NTRK3: variants seen among roughly 807,000 people sequenced by gnomAD.
NTRK3 encodes the protein NT-3 growth factor receptor.
In NTRK3, 24 loss-of-function variants were observed where a neutral mutation model predicts 91.7. The ratio of observed to expected loss-of-function variants is 0.26; its 90% CI spans 0.19 to 0.37. The LOEUF is 0.37. Ranked by LOEUF, NTRK3 falls within the 10% of genes least tolerant of loss-of-function variation. The pLI, the probability that NTRK3 is intolerant of heterozygous loss-of-function variation, is 1.00. For missense variants in NTRK3, 880 were observed against 1,068.9 expected (o/e 0.82, Z 2.46); for synonymous variants, 483 against 404.0 (o/e 1.20, Z -2.34).
chr15:88,079,615 ATT>A (rs2047870086), intron 13 of NTRK3, among the ~76,000 whole-genome samples: 1 of 152,236 alleles, frequency 6.6e-6, no homozygotes, highest in African/African-American at 2.4e-5. Flanking sequence ...AAGGGATTTA[ATT>A]TTGTTTTTAA....
At chr15:88,153,432 C>A (rs1021909202) in intron 5 of NTRK3, among the ~76,000 whole-genome samples, 1 of 151,844 alleles carries the variant, frequency 6.6e-6, no homozygotes, top group Admixed American at 6.6e-5. Context: ...TTAGTAGACA[C>A]TAAAAATACA....
intron 17 of NTRK3, among the ~76,000 whole-genome samples, chr15:87,914,832 T>C (rs1003656686): frequency 6.6e-6 from 1 of 152,102 alleles, no homozygotes; most frequent in Non-Finnish European, 1.5e-5. Context: ...GCAACCAAGA[T>C]TGTCGTGATG....
chr15:87,940,724 C>A (rs547749746), exon 15 of NTRK3: 1 of 1,614,124 alleles, frequency 6.2e-7, no homozygotes, highest in Admixed American at 1.7e-5. Context: ...CGCTTCAGCA[C>A]GATGTCTCTC....
At chr15:88,214,727 A>G (rs552425311) in intron 3 of NTRK3, among the ~76,000 whole-genome samples, 6 of 150,696 alleles carry the variant, frequency 4.0e-5, no homozygotes, top group Admixed American at 1.3e-4. Flanking sequence ...CACTCTTCCT[A>G]TTTCCCAAGC....
In NTRK3 at chr15:87,950,512, G is replaced by T. The variant is rs149057743; in HGVS notation, c.1586-9759C>A. Among the ~76,000 whole-genome samples, 9 of 152,302 alleles carry T rather than the reference G, an allele frequency of 5.9e-5. No individual in the cohort carries two copies. The East Asian group carries it at 1.7e-3, about 29-fold the overall frequency. On this transcript the variant is annotated intron_variant, in intron 14 of 18. Coordinates refer to ENST00000394480, the Ensembl canonical transcript of NTRK3. ...AAGGGGACCTTGGGAGCAAACACCA[G>T]GATCAGAGTAAGGGGACTGAGAAAG...
At chr15:87,996,192 T>G (rs1336449315) in intron 14 of NTRK3, among the ~76,000 whole-genome samples, 1 of 151,848 alleles carries the variant, frequency 6.6e-6, no homozygotes, top group African/African-American at 2.4e-5. Flanking sequence ...TGCAGTGAGG[T>G]GAGATCGCAC....
intron 17 of NTRK3, among the ~76,000 whole-genome samples, chr15:87,891,723 C>T (rs1291516926): frequency 6.6e-6 from 1 of 152,116 alleles, no homozygotes; most frequent in Admixed American, 6.6e-5. Context: ...CAGTTTCTCC[C>T]ACTAACCTCC....
intron 3 of NTRK3, among the ~76,000 whole-genome samples, chr15:88,198,950 CT>C (rs1411828701): frequency 6.6e-6 from 1 of 152,216 alleles, no homozygotes; most frequent in Non-Finnish European, 1.5e-5. Context: ...CCTTGGCCCC[CT>C]GTTTCTCAGT....
chr15:88,215,590 G>A (rs968449842), intron 3 of NTRK3, among the ~76,000 whole-genome samples: 1 of 152,094 alleles, frequency 6.6e-6, no homozygotes, highest in African/African-American at 2.4e-5. Flanking sequence ...GGGGGAAGAG[G>A]CCCAAAGAAT....
chr15:88,168,090 C>A (rs145244009), intron 5 of NTRK3, among the ~76,000 whole-genome samples: 3 of 152,154 alleles, frequency 2.0e-5, no homozygotes, highest in Non-Finnish European at 2.9e-5. Context: ...CCAGTTCTGA[C>A]TGATACAAAA....
chr15:87,892,110 A>C (rs1034168559), intron 17 of NTRK3, among the ~76,000 whole-genome samples: 1 of 151,328 alleles, frequency 6.6e-6, no homozygotes, highest in African/African-American at 2.4e-5. Flanking sequence ...ACACACACAC[A>C]CACGCACGCA....
intron 13 of NTRK3, among the ~76,000 whole-genome samples, chr15:88,112,274 G>A (rs1040988473): frequency 2.6e-5 from 4 of 152,162 alleles, no homozygotes; most frequent in Admixed American, 2.6e-4. Context: ...AAGATTTTAT[G>A]TAATAAACCA....
chr15:87,974,648 T>C (rs1429850947), intron 14 of NTRK3, among the ~76,000 whole-genome samples: 1 of 152,178 alleles, frequency 6.6e-6, no homozygotes, highest in Non-Finnish European at 1.5e-5. Context: ...AAGGCCATCA[T>C]TGCTTGGGAA....
chr15:88,111,321 T>C lies in NTRK3; in HGVS notation c.1396+14950A>G, dbSNP rs866171733. Among the ~76,000 whole-genome samples, 70 of 152,262 alleles carry C rather than the reference T, an allele frequency of 4.6e-4. 1 individual carries two copies. Among genetic ancestry groups the C allele is most frequent in the Non-Finnish European group, 2.8e-4 (19 of 68,030 alleles). On this transcript the variant is annotated intron_variant, in intron 13 of 18. Coordinates refer to ENST00000394480, the Ensembl canonical transcript of NTRK3. ...ATGTTGTTTCCCGAAGTACTAATAC[T>C]TGCATCCTTGGAGAGAGAGAAAGAC...
At chr15:88,054,589 T>C (rs2045521201) in intron 13 of NTRK3, among the ~76,000 whole-genome samples, 1 of 152,176 alleles carries the variant, frequency 6.6e-6, no homozygotes, top group African/African-American at 2.4e-5. Flanking sequence ...TAGCAAAATA[T>C]GACAGCATGG....
exon 19 of NTRK3, chr15:87,862,431 T>C (rs1330206260): frequency 1.3e-5 from 3 of 227,390 alleles, no homozygotes; most frequent in Non-Finnish European, 2.6e-5. Flanking sequence ...GGATAAGATA[T>C]AGGGGAAATT....
chr15:88,013,068 C>CTGTTTAAAATCATACCCGCATCTT (rs2076990841), intron 14 of NTRK3, among the ~76,000 whole-genome samples: 2 of 136,388 alleles, frequency 1.5e-5, no homozygotes, highest in Non-Finnish European at 3.2e-5. Flanking sequence ...CTGGTAAAGA[C>CTGTTTAAAATCATACCCGCATCTT]CCACTACCAG....
chr15:88,136,770 C>T (rs996758938), intron 7 of NTRK3, among the ~76,000 whole-genome samples, 161 bp from the exon 8 acceptor site: 14 of 152,342 alleles, frequency 9.2e-5, no homozygotes, highest in African/African-American at 3.1e-4. Flanking sequence ...AGACGCTTTA[C>T]ATCACCTCCC....
chr15:88,180,044 G>A (rs1175014456), intron 5 of NTRK3, among the ~76,000 whole-genome samples: 1 of 152,090 alleles, frequency 6.6e-6, no homozygotes, highest in Non-Finnish European at 1.5e-5. Context: ...TCACCACCAG[G>A]AATAATAACA....
Sources: allele counts gnomAD v4.1 joint callset (sites outside exome capture counted in the v4.1 genomes callset), GRCh38; gene constraint gnomAD v4.1.1; transcripts MANE v1.5; gene names NCBI Gene and HGNC (gene_info 2026-07-23, HGNC 2026-07-21).